Variants in FMN1 observed in about 807,000 individuals in gnomAD.
FMN1 encodes the protein formin-1.
A neutral mutation model predicts 132.4 loss-of-function variants in FMN1; 110 were observed. That is an observed-to-expected ratio of 0.83 (90% CI 0.71 to 0.97). FMN1 has a LOEUF of 0.97. Ranked by LOEUF, FMN1 falls within the 50% of genes least tolerant of loss-of-function variation. The pLI, the probability that FMN1 is intolerant of heterozygous loss-of-function variation, is 0.00. For synonymous variants in FMN1, 722 were observed against 651.7 expected, an observed-to-expected ratio of 1.11 and a Z score of -1.64; for missense variants, 1,792 against 1,705.3, an observed-to-expected ratio of 1.05 and a Z score of -0.90.
chr15:32,996,085 C>A (rs75739436), intron 7 of FMN1, among the ~76,000 whole-genome samples: 67 of 152,304 alleles, frequency 4.4e-4, no homozygotes, highest in African/African-American at 1.6e-3. Flanking sequence ...ATAATAAACA[C>A]AATAGTTATG....
chr15:32,898,798 A>T (rs758727040), intron 15 of FMN1, 36 bp downstream of exon 15: 7 of 1,342,488 alleles, frequency 5.2e-6, no homozygotes, highest in Non-Finnish European at 7.4e-6. Context: ...ACAATGAGTA[A>T]GAGGTGAAAC....
intron 9 of FMN1, among the ~76,000 whole-genome samples, chr15:32,955,455 A>G (rs1395698995): frequency 6.6e-6 from 1 of 152,280 alleles, no homozygotes; most frequent in East Asian, 1.9e-4. Context: ...ACATCTTCAC[A>G]TACTTCTAGC....
At chr15:33,178,035 G>T (rs1489744432) in intron 3 of FMN1, among the ~76,000 whole-genome samples, 1 of 151,974 alleles carries the variant, frequency 6.6e-6, no homozygotes, top group Non-Finnish European at 1.5e-5. Flanking sequence ...GTAAATATGA[G>T]GCGGGTACGG....
intron 4 of FMN1, among the ~76,000 whole-genome samples, chr15:33,130,021 C>T (rs144019634): frequency 1.1e-4 from 16 of 152,184 alleles, no homozygotes; most frequent in East Asian, 3.9e-4. Flanking sequence ...TCTCATCCAT[C>T]GTGATCCACC....
In FMN1 at chr15:32,806,720, G is replaced by A. The variant is rs1378127790; in HGVS notation, c.3929-2388C>T. Among the ~76,000 whole-genome samples the A allele has an allele frequency of 2.0e-5, 3 of 152,316 alleles. No individual in the cohort carries two copies. In the South Asian group the frequency reaches 6.2e-4, roughly 32 times the overall value. ...AGCGCACTGAGCGTGCACATTGGAG[G>A]ATCTTTGCACTTGCTGTTCCTCCTC... On this transcript the variant is annotated intron_variant, in intron 17 of 20. Transcript: ENST00000616417.
At chr15:33,188,192 C>G (rs987355643) in intron 2 of FMN1, among the ~76,000 whole-genome samples, 1 of 149,240 alleles carries the variant, frequency 6.7e-6, no homozygotes, top group Non-Finnish European at 1.5e-5. Flanking sequence ...AAAAAAAAAT[C>G]AGCCAGGTGT....
intron 10 of FMN1, among the ~76,000 whole-genome samples, chr15:32,916,221 C>G (rs572971092): frequency 6.6e-6 from 1 of 152,180 alleles, no homozygotes; most frequent in African/African-American, 2.4e-5. Context: ...AAAATTCCCC[C>G]TCCGGGTAAG....
chr15:32,777,155 C>A (rs540547006), intron 19 of FMN1, among the ~76,000 whole-genome samples: 1 of 152,032 alleles, frequency 6.6e-6, no homozygotes, highest in African/African-American at 2.4e-5. Flanking sequence ...CCAGCTGAAG[C>A]CTGTTTTTGT....
chr15:32,791,727 A>C (rs574056954), intron 19 of FMN1, among the ~76,000 whole-genome samples: 1 of 152,364 alleles, frequency 6.6e-6, no homozygotes, highest in East Asian at 1.9e-4. Flanking sequence ...ATGAAAAATA[A>C]ATCTTGTAGC....
intron 6 of FMN1, among the ~76,000 whole-genome samples, chr15:33,019,659 C>T (rs1055704500): frequency 9.9e-5 from 15 of 152,214 alleles, no homozygotes; most frequent in Admixed American, 5.2e-4. Flanking sequence ...ACAAATCGAG[C>T]GCAGCACCAG....
At chr15:32,802,864 G>A (rs1360503790) in intron 18 of FMN1, among the ~76,000 whole-genome samples, 1 of 152,170 alleles carries the variant, frequency 6.6e-6, no homozygotes, top group South Asian at 2.1e-4. Context: ...AAGGTCAATA[G>A]AGAGACACAA....
Position 32,917,166 on chromosome 15 carries a change from A to T in FMN1, c.3227-6631T>A, listed in dbSNP as rs1403625692. Among the ~76,000 whole-genome samples, 24 of 152,194 alleles carry T rather than the reference A, an allele frequency of 1.6e-4. 1 individual carries two copies. The highest frequency in any genetic ancestry group is 1.6e-3 in the Admixed American group (24 of 15,284). On this transcript the variant is annotated intron_variant, in intron 10 of 20. Transcript: ENST00000616417. Reference sequence around the variant, plus strand: ...GTGGAAAGAAGGGGAGCCAGTAGAGAGGGGTGTGGAGCGTGGAAGGACCAC... The same window carrying T: ...GTGGAAAGAAGGGGAGCCAGTAGAGTGGGGTGTGGAGCGTGGAAGGACCAC...
intron 16 of FMN1, among the ~76,000 whole-genome samples, chr15:32,869,000 CAGG>C (rs2059455336): frequency 6.6e-6 from 1 of 152,066 alleles, no homozygotes; most frequent in Admixed American, 6.5e-5. Flanking sequence ...AGTTAGTAGC[CAGG>C]AAAGGCTCTC....
At chr15:33,029,677 G>A (rs952528292) in intron 6 of FMN1, among the ~76,000 whole-genome samples, 2 of 152,116 alleles carry the variant, frequency 1.3e-5, no homozygotes, top group African/African-American at 2.4e-5. Context: ...AGATATCACC[G>A]AGAATGCAGC....
intron 15 of FMN1, among the ~76,000 whole-genome samples, chr15:32,898,595 T>A (rs1381084791): frequency 7.2e-5 from 11 of 152,204 alleles, no homozygotes; most frequent in African/African-American, 1.2e-4. Context: ...GCTAGGGGTC[T>A]CTCTGAAGCT....
chr15:33,030,781 T>A (rs571896221), intron 6 of FMN1, among the ~76,000 whole-genome samples: 12 of 152,322 alleles, frequency 7.9e-5, no homozygotes, highest in African/African-American at 2.6e-4. Flanking sequence ...ATACATTAGA[T>A]AAAATATATA....
In FMN1 at chr15:32,950,016, C is replaced by T. The variant is rs796547789; in HGVS notation, c.3138+14091G>A. ...ATATACACATACACATATATATATA[C>T]ACATATATATATATATACACATATA... On this transcript the variant is annotated intron_variant, in intron 9 of 20. Coordinates refer to ENST00000616417, the MANE Select transcript of FMN1 (RefSeq NM_001277313.2). Among the ~76,000 whole-genome samples the T allele has an allele frequency of 1.2e-3, 4 of 3,312 alleles. 2 individuals are homozygous for T. The highest frequency in any genetic ancestry group is 8.5e-3 in the Admixed American group (2 of 234). 2.2% of individuals were successfully genotyped at this position (3,312 alleles called of 152,430 possible). A position where few individuals can be genotyped will look rare whatever the true frequency, so the allele number is the denominator to read the frequency against.
chr15:33,032,582 C>G (rs1228898800), intron 6 of FMN1, among the ~76,000 whole-genome samples: 4 of 152,282 alleles, frequency 2.6e-5, no homozygotes, highest in African/African-American at 9.6e-5. Flanking sequence ...ATCATTAAGT[C>G]AAACCATCAT....
rs547922170 is a variant in FMN1, at chr15:33,128,196, GA to G, written c.1867+24851del. On this transcript the variant is annotated intron_variant, in intron 4 of 20. Coordinates refer to ENST00000616417, the MANE Select transcript of FMN1 (RefSeq NM_001277313.2). The stretch of plus-strand genomic sequence containing the variant: ...AAGCAAGCAAACAAATTGCTCCCGG[GA>G]AAAAAAGCAAAAAGCAGACTTACGA... 6.6e-5 allele frequency among the ~76,000 whole-genome samples: 10 copies of G among 151,988 alleles called. No individual in the cohort carries two copies. In the South Asian group the frequency reaches 2.1e-3, roughly 32 times the overall value.
Sources: gnomAD v4.1 joint callset for allele counts (sites outside exome capture counted in the v4.1 genomes callset) on GRCh38, gnomAD v4.1.1 for gene constraint, MANE v1.5 for transcripts, NCBI Gene and HGNC (gene_info 2026-07-23, HGNC 2026-07-21) for gene names.